ABCC9: variants seen among roughly 807,000 people sequenced by gnomAD.
ABCC9 encodes ATP-binding cassette sub-family C member 9.
Under a neutral mutation model 188.3 loss-of-function variants are expected in ABCC9, and 95 were observed. The ratio of observed to expected loss-of-function variants is 0.50; its 90% CI spans 0.43 to 0.60. ABCC9 has a LOEUF of 0.60. Ranked by LOEUF, ABCC9 falls within the 20% of genes least tolerant of loss-of-function variation. The pLI is 0.00. For synonymous variants in ABCC9, 659 were observed against 652.7 expected, an observed-to-expected ratio of 1.01 and a Z score of -0.15; for missense variants, 1,102 against 1,876.3, an observed-to-expected ratio of 0.59 and a Z score of 7.62.
At position 21,926,003 on chromosome 12, in the gene ABCC9, A is replaced by G. The variant is rs1949029897; in HGVS notation, c.345T>C (p.Thr115=). Residue 115 remains threonine (T), a synonymous_variant, in exon 5 of 40, where the codon ACT becomes ACC. Coordinates refer to ENST00000261200, the MANE Select transcript of ABCC9 (RefSeq NM_020297.4). ...FMPAVMGFVA[T]TTSIVYYHNI... Reference sequence around the variant, plus strand: ...TATGATAATACACTATCGATGTTGTAGTGGCAACGAATCCCATCACGGCTG... The same window carrying G: ...TATGATAATACACTATCGATGTTGTGGTGGCAACGAATCCCATCACGGCTG... 5 of 1,614,006 alleles carry G rather than the reference A, an allele frequency of 3.1e-6. No homozygotes were observed. Among genetic ancestry groups the G allele is most frequent in the Non-Finnish European group, 3.4e-6 (4 of 1,179,956 alleles).
At chr12:21,846,222 A>G (rs1944663180) in intron 25 of ABCC9, among the ~76,000 whole-genome samples, 1 of 152,182 alleles carries the variant, frequency 6.6e-6, no homozygotes, top group Non-Finnish European at 1.5e-5. Flanking sequence ...GGAGGGAGTA[A>G]GCTCTGAAAT....
chr12:21,923,995 GC>G, intron 5 of ABCC9: 1 of 532,948 alleles, frequency 1.9e-6, no homozygotes, highest in Middle Eastern at 4.8e-4. Context: ...AGAAAAAGAA[GC>G]CTTACTTAAA....
At chr12:21,815,131 C>T (rs777268074) in intron 34 of ABCC9, among the ~76,000 whole-genome samples, 19 of 151,918 alleles carry the variant, frequency 1.3e-4, no homozygotes, top group Non-Finnish European at 2.4e-4. Context: ...TGCAGTGAGC[C>T]GTGATCACAC....
At position 21,801,001 on chromosome 12, in the gene ABCC9, G is replaced by T; in HGVS notation, c.*43C>A. 3 of 1,611,144 alleles carry T rather than the reference G, an allele frequency of 1.9e-6. No homozygotes were observed. In the South Asian group the frequency reaches 3.3e-5, roughly 18 times the overall value. ...GCTGATGATCCATTAATTAGGTTAT[G>T]ACTGCATTATTTTAAATACATGTAT... On this transcript the variant is annotated 3_prime_UTR_variant, in exon 40 of 40. Transcript: ENST00000261200.
chr12:21,874,646 G>GGT (rs973769247), intron 17 of ABCC9, among the ~76,000 whole-genome samples: 2 of 151,880 alleles, frequency 1.3e-5, no homozygotes, highest in African/African-American at 4.8e-5. Flanking sequence ...AAGAAAATGT[G>GGT]GTATATATAT....
intron 12 of ABCC9, among the ~76,000 whole-genome samples, chr12:21,903,627 A>G (rs1565466897): frequency 1.3e-5 from 2 of 152,230 alleles, no homozygotes; most frequent in African/African-American, 2.4e-5. Context: ...ACATTCCTAT[A>G]CACCAATAGT....
chr12:21,804,232 A>G (rs1941683314), intron 39 of ABCC9, among the ~76,000 whole-genome samples: 1 of 152,210 alleles, frequency 6.6e-6, no homozygotes, highest in South Asian at 2.1e-4. Context: ...TGTAGAAGAG[A>G]AATTAGGTAA....
chr12:21,860,364 A>G (rs1161998683), intron 21 of ABCC9, among the ~76,000 whole-genome samples: 2 of 152,216 alleles, frequency 1.3e-5, no homozygotes, highest in African/African-American at 4.8e-5. Context: ...CAAGTTCCTT[A>G]ACCTCTCTCA....
intron 17 of ABCC9, 64 bp from the exon 18 acceptor site, chr12:21,872,794 A>T (rs1946146122): frequency 4.0e-6 from 5 of 1,259,104 alleles, no homozygotes; most frequent in Middle Eastern, 1.9e-4. Flanking sequence ...TAACATCAAA[A>T]CACATTTAGA....
At chr12:21,925,644 G>T in intron 5 of ABCC9, 1 of 642,228 alleles carries the variant, frequency 1.6e-6, no homozygotes, top group South Asian at 1.7e-5. Context: ...ACTTCTGCAA[G>T]CCAGAAGGCC....
chr12:21,892,552 C>T (rs756682141), intron 14 of ABCC9, among the ~76,000 whole-genome samples: 5 of 152,086 alleles, frequency 3.3e-5, no homozygotes, highest in Non-Finnish European at 5.9e-5. Context: ...GTCAGTGATC[C>T]GGACAAGTGT....
chr12:21,902,818 C>A (rs1266199365), intron 12 of ABCC9, among the ~76,000 whole-genome samples: 9 of 152,070 alleles, frequency 5.9e-5, no homozygotes, highest in Non-Finnish European at 8.8e-5. Flanking sequence ...CAACCAAAAA[C>A]AGTCCAGGAC....
At chr12:21,872,481 TC>T in intron 18 of ABCC9, 143 bp downstream of exon 18, 1 of 669,084 alleles carries the variant, frequency 1.5e-6, no homozygotes, top group South Asian at 1.8e-5. Context: ...TTTTAAGGTT[TC>T]CATCAATTTT....
At chr12:21,918,946 A>C (rs1948704308) in intron 5 of ABCC9, among the ~76,000 whole-genome samples, 1 of 152,160 alleles carries the variant, frequency 6.6e-6, no homozygotes, top group East Asian at 1.9e-4. Flanking sequence ...ACACATTACT[A>C]ATAATCCACA....
At position 21,799,397 on chromosome 12, in the gene ABCC9, T is replaced by C. The variant is rs1360974729; in HGVS notation, c.*1647A>G. On this transcript the variant is annotated 3_prime_UTR_variant, in exon 40 of 40. Transcript: ENST00000261200. ...TTTAAACACCATTTTAGGAGAGTGG[T>C]TGAATTTTTAGAAAATATTTGCAAG... 1 of 152,192 alleles carries C rather than the reference T, an allele frequency of 6.6e-6. No homozygotes were observed. Among genetic ancestry groups the C allele is most frequent in the Admixed American group, 6.5e-5 (1 of 15,280 alleles). 9.4% of individuals were successfully genotyped at this position (152,192 alleles called of 1,614,324 possible).
chr12:21,923,986 GA>G (rs1349511058), intron 5 of ABCC9: 4 of 534,490 alleles, frequency 7.5e-6, no homozygotes, highest in Non-Finnish European at 1.3e-5. Context: ...ATCATGCTTA[GA>G]AAAAGAAGCC....
rs372864761 is a variant in ABCC9 at position 21,935,390 on chromosome 12, T to C, written c.142+1143A>G. Among the ~76,000 whole-genome samples, 6 of 152,280 alleles carry C rather than the reference T, an allele frequency of 3.9e-5. No homozygotes were observed. The East Asian group carries it at 1.2e-3, about 29-fold the overall frequency. ...CAACATAACTATGTACCAAGAATTA[T>C]GTTGGCCTGTGTATATACCATATGA... On this transcript the variant is annotated intron_variant, in intron 3 of 39. Transcript: ENST00000261200.
chr12:21,816,071 T>G lies in ABCC9; in HGVS notation c.3893-178A>C, dbSNP rs543952280. ...TTTTTTTTTTTTTTTTTTTTTTTTT[T>G]TTTTTTTTTAGTTTAAATCACATTC... On this transcript the variant is annotated intron_variant, in intron 33 of 39. Coordinates refer to ENST00000261200, the MANE Select transcript of ABCC9 (RefSeq NM_020297.4). Among the ~76,000 whole-genome samples the G allele has an allele frequency of 6.9e-5, 7 of 100,908 alleles. No individual in the cohort carries two copies. The East Asian group carries it at 1.4e-3, about 20-fold the overall frequency. 66.2% of individuals were successfully genotyped at this position (100,908 alleles called of 152,430 possible). A position where few individuals can be genotyped will look rare whatever the true frequency, so the allele number is the denominator to read the frequency against.
Position 21,912,555 on chromosome 12 carries a change from T to C in ABCC9, c.1011+317A>G, listed in dbSNP as rs556215344. ...TCATGTATAAAAATTCTTTAAAGAG[T>C]TCCTATAAAGATTAAATAAAACAAT... On this transcript the variant is annotated intron_variant, in intron 8 of 39. Transcript: ENST00000261200. Among the ~76,000 whole-genome samples the C allele has an allele frequency of 9.2e-5, 14 of 151,912 alleles. No individual in the cohort carries two copies. In the South Asian group the frequency reaches 2.9e-3, roughly 32 times the overall value.
Sources: allele counts gnomAD v4.1 joint callset (sites outside exome capture counted in the v4.1 genomes callset), GRCh38; gene constraint gnomAD v4.1.1; transcripts MANE v1.5; gene names NCBI Gene and HGNC (gene_info 2026-07-23, HGNC 2026-07-21).